USP3: variants seen among roughly 807,000 people sequenced by gnomAD.
The protein encoded by USP3 is ubiquitin carboxyl-terminal hydrolase 3.
In USP3, 20 loss-of-function variants were observed where a neutral mutation model predicts 72.3. The observed-to-expected ratio is 0.28, with a 90% CI of 0.19 to 0.40. The LOEUF (loss-of-function observed/expected upper bound fraction) is 0.40. Among genes scored for constraint, USP3 ranks in the 10% least tolerant of loss-of-function variants. The pLI, the probability that USP3 is intolerant of heterozygous loss-of-function variation, is 1.00. For missense variants in USP3, 479 were observed against 633.9 expected (o/e 0.76, Z 2.62); for synonymous variants, 222 against 225.3 (o/e 0.99, Z 0.13).
rs1260166092 is a variant in USP3, at chr15:63,590,752, A to G, written c.1489A>G (p.Thr497Ala). The G allele has an allele frequency of 6.2e-7, 1 of 1,614,052 alleles. No individual in the cohort carries two copies. Among genetic ancestry groups the G allele is most frequent in the Non-Finnish European group, 8.5e-7 (1 of 1,179,992 alleles). Residue 497 changes from threonine to alanine, a missense_variant, in exon 15 of 15, where the codon ACT becomes GCT. Thr to Ala is a moderately conservative substitution (Grantham distance 58, BLOSUM62 0). Transcript: ENST00000380324. ...TACTGTAACACTGACTGACGAGGAG[A>G]CTGTGGTGAAGGCGAAGGCCTACAT... ...DSTVTLTDEE[T>A]VVKAKAYILF...
intron 2 of USP3, chr15:63,533,659 C>T (rs922612565): frequency 7.4e-6 from 2 of 270,240 alleles, no homozygotes; most frequent in African/African-American, 4.6e-5. Flanking sequence ...ATGAAGAGAG[C>T]ATCTTTCTTT....
intron 11 of USP3, among the ~76,000 whole-genome samples, chr15:63,580,674 T>TATATGAATATATA (rs1555396924): frequency 7.6e-6 from 1 of 131,164 alleles, no homozygotes; most frequent in South Asian, 2.2e-4. Context: ...TATATATGAA[T>TATATGAATATATA]ATATAATATA....
chr15:63,585,361 G>A (rs1188943136), intron 11 of USP3, among the ~76,000 whole-genome samples: 1 of 152,136 alleles, frequency 6.6e-6, no homozygotes, highest in Non-Finnish European at 1.5e-5. Context: ...GTCTATGAAT[G>A]CAGGATGTCT....
Position 63,525,213 on chromosome 15 carries a change from A to G in USP3, c.92-7434A>G, listed in dbSNP as rs2065965001. Reference sequence around the variant, plus strand: ...TTTATCTTTCCTGCCTTGGACCTGAATTCAGTCTTGGTTCTGTGATCTTGC... The same window carrying G: ...TTTATCTTTCCTGCCTTGGACCTGAGTTCAGTCTTGGTTCTGTGATCTTGC... On this transcript the variant is annotated intron_variant, in intron 1 of 14. Coordinates refer to ENST00000380324, the MANE Select transcript of USP3 (RefSeq NM_006537.4). Among the ~76,000 whole-genome samples, 4 of 152,306 alleles carry G rather than the reference A, an allele frequency of 2.6e-5. No homozygotes were observed. The South Asian group carries it at 8.3e-4, about 32-fold the overall frequency.
At chr15:63,523,480 C>A (rs1409849287) in intron 1 of USP3, among the ~76,000 whole-genome samples, 2 of 152,174 alleles carry the variant, frequency 1.3e-5, no homozygotes, top group Non-Finnish European at 1.5e-5. Flanking sequence ...GGAACAAATT[C>A]CTACAAAGGC....
At chr15:63,548,279 G>A (rs2066382322) in intron 3 of USP3, among the ~76,000 whole-genome samples, 1 of 152,026 alleles carries the variant, frequency 6.6e-6, no homozygotes, top group South Asian at 2.1e-4. Context: ...CATTACAGGT[G>A]CACACCATCA....
chr15:63,565,436 T>A (rs73444651), intron 8 of USP3, among the ~76,000 whole-genome samples: 127 of 152,362 alleles, frequency 8.3e-4, no homozygotes, highest in African/African-American at 2.9e-3. Flanking sequence ...TCCTTTTGCT[T>A]TTCATAAAAA....
At chr15:63,559,629 C>CT (rs1194754006) in intron 6 of USP3, among the ~76,000 whole-genome samples, 1 of 152,032 alleles carries the variant, frequency 6.6e-6, no homozygotes, top group African/African-American at 2.4e-5. Flanking sequence ...GTTTTCAGCT[C>CT]TTTGTTTTTT....
At chr15:63,559,480 A>G (rs2066568542) in intron 6 of USP3, among the ~76,000 whole-genome samples, 1 of 152,224 alleles carries the variant, frequency 6.6e-6, no homozygotes, top group African/African-American at 2.4e-5. Context: ...ATAGTGTATC[A>G]AAATAATATG....
In USP3 at chr15:63,544,007, C is replaced by G. The variant is rs558935931; in HGVS notation, c.284+6851C>G. Among the ~76,000 whole-genome samples, 52 of 147,002 alleles carry G rather than the reference C, an allele frequency of 3.5e-4. No individual in the cohort carries two copies. In the Admixed American group the frequency reaches 3.5e-3, roughly 10 times the overall value. ...GGAGGATCTCTTGAGCCCAGGAGTT[C>G]GAGACCAGCCTGGGCAACACAGGGA... On this transcript the variant is annotated intron_variant, in intron 3 of 14. Coordinates refer to ENST00000380324, the MANE Select transcript of USP3 (RefSeq NM_006537.4). The surrounding 1 kb of genome is among the most constrained non-coding windows in gnomAD (Gnocchi z 4.2).
chr15:63,590,853 A>C lies in USP3; in HGVS notation c.*27A>C, dbSNP rs774046076. 8 of 1,581,548 alleles carry C rather than the reference A, an allele frequency of 5.1e-6. No individual in the cohort carries two copies. The Admixed American group carries it at 9.2e-5, about 18-fold the overall frequency. On this transcript the variant is annotated 3_prime_UTR_variant, in exon 15 of 15. Transcript: ENST00000380324. Reference sequence around the variant, plus strand: ...ACCTCCTCCAAATCATCATTCACCAACCATACCAGAGAAACATTTCCAGTT... The same window carrying C: ...ACCTCCTCCAAATCATCATTCACCACCCATACCAGAGAAACATTTCCAGTT...
rs1014116618 is a variant in USP3, at chr15:63,569,220, A to T, written c.762-1213A>T. On this transcript the variant is annotated intron_variant, in intron 8 of 14. Transcript: ENST00000380324. ...TTAAATAAGTTTAAGGTACCTCCTT[A>T]GATATACAAAGGAACTACCAACTTT... Among the ~76,000 whole-genome samples the T allele has an allele frequency of 3.9e-5, 6 of 152,322 alleles. No homozygotes were observed. The East Asian group carries it at 1.2e-3, about 29-fold the overall frequency.
intron 1 of USP3, among the ~76,000 whole-genome samples, chr15:63,522,902 T>G (rs2065937689): frequency 6.6e-6 from 1 of 152,236 alleles, no homozygotes; most frequent in Non-Finnish European, 1.5e-5. Flanking sequence ...ATTTAATGTC[T>G]TTTCTGAATA....
intron 6 of USP3, 94 bp from the exon 7 acceptor site, chr15:63,559,763 T>A (rs997603642): frequency 4.0e-6 from 4 of 992,992 alleles, no homozygotes; most frequent in Non-Finnish European, 5.9e-6. Context: ...AATTGAAAAA[T>A]GGCAGTTTCA....
At chr15:63,508,361 G>A (rs969826448) in intron 1 of USP3, among the ~76,000 whole-genome samples, 1 of 152,158 alleles carries the variant, frequency 6.6e-6, no homozygotes, top group Non-Finnish European at 1.5e-5. Context: ...TATTAGCTGG[G>A]AAATAGAGCA....
intron 3 of USP3, among the ~76,000 whole-genome samples, chr15:63,540,447 G>A (rs984160143): frequency 5.7e-4 from 87 of 152,328 alleles, no homozygotes; most frequent in African/African-American, 2.0e-3. Context: ...TGCAGAGTAG[G>A]TGACATACGT....
chr15:63,584,963 A>C (rs2067031309), intron 11 of USP3, among the ~76,000 whole-genome samples: 1 of 152,136 alleles, frequency 6.6e-6, no homozygotes, highest in Non-Finnish European at 1.5e-5. Flanking sequence ...ATTCTTCTGC[A>C]TGTTGATACC....
chr15:63,555,581 T>C (rs1022672913), intron 4 of USP3, among the ~76,000 whole-genome samples: 1 of 152,208 alleles, frequency 6.6e-6, no homozygotes, highest in African/African-American at 2.4e-5. Flanking sequence ...TAACTTACAT[T>C]TTTAAAAGGT....
At chr15:63,538,413 A>G (rs1479446340) in intron 3 of USP3, among the ~76,000 whole-genome samples, 1 of 152,210 alleles carries the variant, frequency 6.6e-6, no homozygotes, top group Non-Finnish European at 1.5e-5. Context: ...AGAGAAGTCC[A>G]GATAACAATT....
Sources: allele counts gnomAD v4.1 joint callset (sites outside exome capture counted in the v4.1 genomes callset), GRCh38; gene constraint gnomAD v4.1.1; non-coding constraint Gnocchi (gnomAD v3.1); transcripts MANE v1.5; gene names NCBI Gene and HGNC (gene_info 2026-07-23, HGNC 2026-07-21).